The following MYO7B variants were observed in gnomAD, a reference collection of about 807,000 sequenced individuals.
The protein encoded by MYO7B is unconventional myosin-VIIb.
Under a neutral mutation model 259.7 loss-of-function variants are expected in MYO7B, and 212 were observed. That is an observed-to-expected ratio of 0.82 (90% CI 0.73 to 0.91). The LOEUF (loss-of-function observed/expected upper bound fraction) is 0.91, where lower values mean the gene tolerates loss of function less well. Ranked by LOEUF, MYO7B falls within the 40% of genes least tolerant of loss-of-function variation. The probability of loss-of-function intolerance (pLI) is 0.00; values close to 1 mark genes in which losing one functional copy is unlikely to be tolerated. For synonymous variants in MYO7B, 1,197 were observed against 1,166.4 expected, an observed-to-expected ratio of 1.03 and a Z score of -0.54; for missense variants, 2,732 against 2,813.5, an observed-to-expected ratio of 0.97 and a Z score of 0.66.
chr2:127,609,192 G>A lies in MYO7B; in HGVS notation c.2814+314G>A, dbSNP rs558110529. Among the ~76,000 whole-genome samples, 30 of 152,250 alleles carry A rather than the reference G, an allele frequency of 2.0e-4. No homozygotes were observed. The East Asian group carries it at 4.1e-3, about 21-fold the overall frequency. Reference sequence around the variant, plus strand: ...GCACCCCCAGAGCACCTTTGAGGCCGCTGCTCTGCAGTGTGGCTGAGGAAG... The same window carrying A: ...GCACCCCCAGAGCACCTTTGAGGCCACTGCTCTGCAGTGTGGCTGAGGAAG... On this transcript the variant is annotated intron_variant, in intron 22 of 47. Transcript: ENST00000409816. This position sits in a 1 kb window ranked among gnomAD's most constrained non-coding sequence, Gnocchi z 6.9.
At chr2:127,541,523 T>C (rs571583282) in intron 1 of MYO7B, among the ~76,000 whole-genome samples, 1 of 152,216 alleles carries the variant, frequency 6.6e-6, no homozygotes, top group Non-Finnish European at 1.5e-5. Context: ...TCAATGAGTC[T>C]GAAGGAAACA....
chr2:127,617,411 T>A (rs892812709), intron 26 of MYO7B, among the ~76,000 whole-genome samples: 1 of 152,076 alleles, frequency 6.6e-6, no homozygotes, highest in Non-Finnish European at 1.5e-5. Flanking sequence ...AAACTTCCCG[T>A]TCTTTGTACC....
In MYO7B at chr2:127,577,991, G is replaced by C. The variant is rs1678942110; in HGVS notation, c.850-142G>C. The stretch of plus-strand genomic sequence containing the variant: ...GCTGTGGCTACTGTGTCATGATTCT[G>C]CCTCTGAAAAGAGTTTTTGAGCGTG... On this transcript the variant is annotated intron_variant, in intron 8 of 47. Transcript: ENST00000409816. The surrounding 1 kb of genome is among the most constrained non-coding windows in gnomAD (Gnocchi z 5.2). 2.2e-6 allele frequency: 2 copies of C among 903,174 alleles called. No individual in the cohort carries two copies. Among genetic ancestry groups the C allele is most frequent in the South Asian group, 3.5e-5 (2 of 57,408 alleles). The allele number at this position is 903,174 out of a possible 1,614,324, so 55.9% of individuals were successfully genotyped here. A position where few individuals can be genotyped will look rare whatever the true frequency, so the allele number is the denominator to read the frequency against.
At chr2:127,578,377 G>A (rs1678965839) in intron 9 of MYO7B, 91 bp downstream of exon 9, 3 of 1,490,094 alleles carry the variant, frequency 2.0e-6, no homozygotes, top group African/African-American at 1.4e-5. Flanking sequence ...CTCACAGGAA[G>A]GATCCTGTGG....
chr2:127,549,115 ACT>A (rs1261427693), intron 1 of MYO7B, among the ~76,000 whole-genome samples: 8 of 149,868 alleles, frequency 5.3e-5, no homozygotes, highest in African/African-American at 1.7e-4. Context: ...AGCTACTCCA[ACT>A]CTCTCTTCTT....
At chr2:127,596,403 C>T in intron 18 of MYO7B, 59 bp from the exon 19 acceptor site, 1 of 1,387,030 alleles carries the variant, frequency 7.2e-7, no homozygotes. Context: ...GCCCTGGCCC[C>T]AGGCAGGGGC....
chr2:127,609,881 G>T lies in MYO7B; in HGVS notation c.3057G>T (p.Arg1019Ser). The change falls in exon 24 of 48, where the codon AGG becomes AGT. Residue 1019 changes from arginine to serine, a missense_variant. Around this residue, in one of 3 missense-constraint regions of MYO7B, gnomAD observed 1,906 missense variants for 2,026.4 expected, o/e 0.94. Transcript: ENST00000409816. This position sits in a 1 kb window ranked among gnomAD's most constrained non-coding sequence, Gnocchi z 6.9. The stretch of plus-strand genomic sequence containing the variant: ...TGGTCATATGGAACGTCATCCTGAG[G>T]TTCATGGGTGATCTCCCAGAGCCAG... ...AALVIWNVIL[R>S]FMGDLPEPVL... 1 of 1,612,656 alleles carries T rather than the reference G, an allele frequency of 6.2e-7. No individual in the cohort carries two copies. The highest frequency in any genetic ancestry group is 1.1e-5 in the South Asian group (1 of 90,862).
Position 127,637,483 on chromosome 2 carries a change from G to A in MYO7B, c.*66G>A. The A allele has an allele frequency of 8.0e-7, 1 of 1,254,336 alleles. No homozygotes were observed. Among genetic ancestry groups the A allele is most frequent in the Non-Finnish European group, 1.1e-6 (1 of 922,040 alleles). The allele number at this position is 1,254,336 out of a possible 1,614,324, so 77.7% of individuals were successfully genotyped here. On this transcript the variant is annotated 3_prime_UTR_variant, in exon 48 of 48. Transcript: ENST00000409816. ...CTCTAGCCTGGCGGCACCTTCCCAG[G>A]CCCTCTCAACCCAGGGCCTGTCCTT...
intron 4 of MYO7B, among the ~76,000 whole-genome samples, chr2:127,566,321 T>G (rs1401455723): frequency 2.0e-5 from 3 of 152,212 alleles, no homozygotes; most frequent in Non-Finnish European, 2.9e-5. Context: ...GGGATGCAGG[T>G]GAAAACCCAT....
At chr2:127,552,319 T>A (rs564072021) in intron 1 of MYO7B, among the ~76,000 whole-genome samples, 2 of 152,100 alleles carry the variant, frequency 1.3e-5, no homozygotes, top group Non-Finnish European at 2.9e-5. Flanking sequence ...TCCAGGCTAG[T>A]TGGGGATGGA....
chr2:127,634,376 AG>A, intron 41 of MYO7B, 87 bp downstream of exon 41: 1 of 1,091,496 alleles, frequency 9.2e-7, no homozygotes, highest in Non-Finnish European at 1.3e-6. Flanking sequence ...TCAGCCTACC[AG>A]GGGCACCCAT....
Position 127,622,623 on chromosome 2 carries a change from G to A in MYO7B, c.3645+522G>A, listed in dbSNP as rs182603371. Among the ~76,000 whole-genome samples the A allele has an allele frequency of 8.4e-4, 128 of 152,316 alleles. 1 individual carries two copies. Among genetic ancestry groups the A allele is most frequent in the South Asian group, 5.6e-3 (27 of 4,828 alleles). On this transcript the variant is annotated intron_variant, in intron 28 of 47. Transcript: ENST00000409816. ...AAAGCTCTGGCCCCAGCCTAACCCCGGCAGGTGCCCGCCCTGTGACCCGAG... is the reference window on the plus strand; with the variant it reads ...AAAGCTCTGGCCCCAGCCTAACCCCAGCAGGTGCCCGCCCTGTGACCCGAG...
chr2:127,620,504 G>A (rs901861644), intron 27 of MYO7B, 38 bp downstream of exon 27: 10 of 1,487,150 alleles, frequency 6.7e-6, no homozygotes, highest in Admixed American at 4.0e-5. Flanking sequence ...GCAGGGGGCA[G>A]GTTCTGGTGG....
chr2:127,631,237 G>T lies in MYO7B; in HGVS notation c.4969G>T (p.Val1657Leu), dbSNP rs112924521. The change falls in exon 37 of 48, where the codon GTG becomes TTG. Residue 1657 changes from valine to leucine, a missense_variant. Val to Leu is a conservative substitution (Grantham distance 32). This residue lies in a region of MYO7B where 821 missense variants were observed against 769.3 expected (regional missense o/e 1.07). Transcript: ENST00000409816. The stretch of plus-strand genomic sequence containing the variant: ...AGAGAAGGACATGGTGAGCATGGCC[G>T]TGCTGCCCCTGGCCCGTGCCCGTGG... ...APEKDMVSMA[V>L]LPLARARGHL... The T allele has an allele frequency of 8.7e-6, 14 of 1,608,858 alleles. No homozygotes were observed. The highest frequency in any genetic ancestry group is 2.2e-5 in the South Asian group (2 of 90,794).
intron 15 of MYO7B, 132 bp from the exon 16 acceptor site, chr2:127,589,960 G>A (rs948610555): frequency 4.9e-6 from 5 of 1,012,168 alleles, no homozygotes; most frequent in Non-Finnish European, 7.2e-6. Context: ...GGGTGGGTGG[G>A]TGGATTCTTG....
intron 22 of MYO7B, 101 bp downstream of exon 22, chr2:127,608,979 G>T: frequency 2.1e-6 from 3 of 1,445,870 alleles, no homozygotes; most frequent in Non-Finnish European, 2.8e-6. Context: ...AGAAGCCAGA[G>T]CGGTGGCCAA....
At position 127,627,924 on chromosome 2, in the gene MYO7B, C is replaced by G. The variant is rs1449515403; in HGVS notation, c.4461-448C>G. 2.2e-6 allele frequency: 1 copy of G among 460,260 alleles called. No individual in the cohort carries two copies. 28.5% of individuals were successfully genotyped at this position (460,260 alleles called of 1,614,324 possible). A position where few individuals can be genotyped will look rare whatever the true frequency, so the allele number is the denominator to read the frequency against. On this transcript the variant is annotated intron_variant, in intron 33 of 47. Transcript: ENST00000409816. This position sits in a 1 kb window ranked among gnomAD's most constrained non-coding sequence, Gnocchi z 5.6. ...GGCCACCACTCCCCACTGGCCACCTCTCACTGAGGCTGACCATGCTGGGCA... is the reference window on the plus strand; with the variant it reads ...GGCCACCACTCCCCACTGGCCACCTGTCACTGAGGCTGACCATGCTGGGCA...
chr2:127,539,082 T>C lies in MYO7B; in HGVS notation c.-24+3251T>C, dbSNP rs1466594279. ...GGCTGGGGGCAGAGTACTGAGGGTA[T>C]GAAAAGGAACCACAGGGCAGTGGTT... On this transcript the variant is annotated intron_variant, in intron 1 of 47. Transcript: ENST00000409816. The surrounding 1 kb of genome is among the most constrained non-coding windows in gnomAD (Gnocchi z 4.0). Among the ~76,000 whole-genome samples, 2 of 152,158 alleles carry C rather than the reference T, an allele frequency of 1.3e-5. No individual in the cohort carries two copies. The highest frequency in any genetic ancestry group is 2.9e-5 in the Non-Finnish European group (2 of 68,026).
At position 127,613,319 on chromosome 2, in the gene MYO7B, A is replaced by G. The variant is rs553989070; in HGVS notation, c.3398+716A>G. On this transcript the variant is annotated intron_variant, in intron 26 of 47. Coordinates refer to ENST00000409816, the MANE Select transcript of MYO7B (RefSeq NM_001393586.1). This position sits in a 1 kb window ranked among gnomAD's most constrained non-coding sequence, Gnocchi z 4.3. ...GGATAGTTTCTATTGACCTGTCTTCAAATTTACTGATCTTTTGTCTTCCCT... is the reference window on the plus strand; with the variant it reads ...GGATAGTTTCTATTGACCTGTCTTCGAATTTACTGATCTTTTGTCTTCCCT... 8.5e-5 allele frequency among the ~76,000 whole-genome samples: 13 copies of G among 152,258 alleles called. No individual in the cohort carries two copies. The highest frequency in any genetic ancestry group is 2.6e-4 in the African/African-American group (11 of 41,568).
Sources: allele counts gnomAD v4.1 joint callset (sites outside exome capture counted in the v4.1 genomes callset), GRCh38; gene constraint gnomAD v4.1.1; regional missense constraint gnomAD v4.1.1; non-coding constraint Gnocchi (gnomAD v3.1); transcripts MANE v1.5; gene names NCBI Gene and HGNC (gene_info 2026-07-23, HGNC 2026-07-21).